Variants in RALGDS observed in about 807,000 individuals in gnomAD.
RALGDS encodes the protein ral guanine nucleotide dissociation stimulator, also known as ral guanine nucleotide exchange factor.
RALGDS carries 44 observed loss-of-function variants against 99.8 expected under a neutral mutation model. That is an observed-to-expected ratio of 0.44 (90% CI 0.35 to 0.57). The LOEUF (loss-of-function observed/expected upper bound fraction) is 0.57. Among genes scored for constraint, RALGDS ranks in the 20% least tolerant of loss-of-function variants. The probability of loss-of-function intolerance (pLI) is 0.01; values close to 1 mark genes in which losing one functional copy is unlikely to be tolerated. For missense variants in RALGDS, 1,022 were observed against 1,203.1 expected (o/e 0.85, Z 2.23); for synonymous variants, 529 against 505.0 (o/e 1.05, Z -0.64).
At position 133,137,676 on chromosome 9, in the gene RALGDS, T is replaced by C. The variant is rs540290309; in HGVS notation, c.18+11287A>G. ...TCTGGGAAGCAAGAGCCCTTTTTCT[T>C]AGAAGCAGGGCCCTGGAGTTTCCCA... On this transcript the variant is annotated intron_variant, in intron 1 of 17. Transcript: ENST00000393160. 2.6e-5 allele frequency among the ~76,000 whole-genome samples: 4 copies of C among 152,294 alleles called. No individual in the cohort carries two copies. The East Asian group carries it at 7.7e-4, about 29-fold the overall frequency.
chr9:133,104,540 G>A (rs1042357993), intron 9 of RALGDS: 60 of 587,942 alleles, frequency 1.0e-4, no homozygotes, highest in African/African-American at 5.6e-4. Context: ...TGCATGGTGC[G>A]GTGGCTCACG....
chr9:133,131,362 G>A (rs1315964859), upstream of RALGDS, among the ~76,000 whole-genome samples: 1 of 151,886 alleles, frequency 6.6e-6, no homozygotes, highest in South Asian at 2.1e-4. Context: ...CTACCTCCCT[G>A]TACTCACCCT....
intron 1 of RALGDS, among the ~76,000 whole-genome samples, chr9:133,136,494 G>A (rs1001130475): frequency 6.6e-6 from 1 of 152,184 alleles, no homozygotes; most frequent in African/African-American, 2.4e-5. Context: ...AAAAAAACTA[G>A]CTCGGGTGCG....
At chr9:133,110,566 C>G in intron 2 of RALGDS, 77 bp from the exon 3 acceptor site, 3 of 1,308,304 alleles carry the variant, frequency 2.3e-6, no homozygotes, top group Non-Finnish European at 3.3e-6. Context: ...AACCCCGAGC[C>G]CTCAGCAGCT....
intron 1 of RALGDS, among the ~76,000 whole-genome samples, chr9:133,116,345 T>C (rs542161875): frequency 4.5e-4 from 68 of 152,314 alleles, no homozygotes; most frequent in Non-Finnish European, 7.4e-4. Context: ...ACCAGGATGC[T>C]CCCTGGCCTC....
At chr9:133,101,051 G>A (rs1041380835) in intron 16 of RALGDS, 3 of 1,075,790 alleles carry the variant, frequency 2.8e-6, no homozygotes, top group Non-Finnish European at 3.4e-6. Context: ...ATTCCCATCT[G>A]CTGTCTCCAA....
chr9:133,130,970 G>T, exon 1 of RALGDS: 1 of 1,535,476 alleles, frequency 6.5e-7, no homozygotes, highest in Non-Finnish European at 8.7e-7. Flanking sequence ...GAACCTGGCC[G>T]GGTGGATGCC....
At chr9:133,132,045 C>T (rs2119253333), upstream of RALGDS, among the ~76,000 whole-genome samples, 1 of 152,320 alleles carries the variant, frequency 6.6e-6, no homozygotes, top group South Asian at 2.1e-4. Context: ...TGCCCCTGTG[C>T]CAGGAGTGCC....
chr9:133,104,371 C>T (rs754552975), intron 9 of RALGDS, 40 bp from the exon 10 acceptor site: 1 of 1,552,026 alleles, frequency 6.4e-7, no homozygotes, highest in South Asian at 1.1e-5. Flanking sequence ...GCCCTATCCC[C>T]TCAGCCCTCA....
chr9:133,109,015 G>A (rs1032559518), intron 4 of RALGDS, 149 bp from the exon 5 acceptor site: 1 of 756,686 alleles, frequency 1.3e-6, no homozygotes, highest in Non-Finnish European at 2.2e-6. Flanking sequence ...GGAGGCCCCT[G>A]GTCAGTGGCG....
At chr9:133,149,174 C>G (rs2119285149) in exon 1 of RALGDS, 1 of 150,808 alleles carries the variant, frequency 6.6e-6, no homozygotes, top group Admixed American at 7.0e-5. Context: ...CTCCCATTGT[C>G]TGCGCCGCGC....
chr9:133,107,329 C>A, intron 6 of RALGDS, 29 bp from the exon 7 acceptor site: 1 of 1,575,740 alleles, frequency 6.3e-7, no homozygotes, highest in Non-Finnish European at 8.7e-7. Context: ...GTCACCTGGT[C>A]CTGCCCCAGC....
At chr9:133,146,692 C>CA (rs1241752206) in intron 1 of RALGDS, among the ~76,000 whole-genome samples, 1 of 152,190 alleles carries the variant, frequency 6.6e-6, no homozygotes, top group Non-Finnish European at 1.5e-5. Flanking sequence ...CCAAGATTTA[C>CA]AAAAAACTAT....
Position 133,104,749 on chromosome 9 carries a change from T to C in RALGDS, c.1603-418A>G, listed in dbSNP as rs376184098. ...ATCCCTTGAACCCAGGAGGTGGGGATTGCAGTGAGCCGAGATCACGCCATT... is the reference window on the plus strand; with the variant it reads ...ATCCCTTGAACCCAGGAGGTGGGGACTGCAGTGAGCCGAGATCACGCCATT... On this transcript the variant is annotated intron_variant, in intron 9 of 17. Coordinates refer to ENST00000372050, the MANE Select transcript of RALGDS (RefSeq NM_006266.4). 21 of 218,590 alleles carry C rather than the reference T, an allele frequency of 9.6e-5. 1 individual carries two copies. Among genetic ancestry groups the C allele is most frequent in the East Asian group, 8.8e-4 (7 of 7,948 alleles). 13.5% of individuals were successfully genotyped at this position (218,590 alleles called of 1,614,324 possible).
At chr9:133,103,372 A>C (rs1588512850) in intron 11 of RALGDS, 110 bp from the exon 12 acceptor site, 1 of 1,372,446 alleles carries the variant, frequency 7.3e-7, no homozygotes, top group Non-Finnish European at 1.0e-6. Flanking sequence ...GGGCACGCAC[A>C]CCCCTGGATT....
At chr9:133,132,594 TG>T (rs1832355644), upstream of RALGDS, among the ~76,000 whole-genome samples, 1 of 151,796 alleles carries the variant, frequency 6.6e-6, no homozygotes, top group Admixed American at 6.6e-5. Flanking sequence ...TTTGGTTGGG[TG>T]GGGGGCTTAA....
chr9:133,130,717 T>C (rs1249224240), intron 1 of RALGDS, among the ~76,000 whole-genome samples: 1 of 152,144 alleles, frequency 6.6e-6, no homozygotes, highest in Non-Finnish European at 1.5e-5. Flanking sequence ...AACCAGACAT[T>C]GGAAGCCATC....
intron 1 of RALGDS, among the ~76,000 whole-genome samples, chr9:133,145,710 C>T (rs980070242): frequency 4.6e-5 from 7 of 152,166 alleles, no homozygotes; most frequent in Non-Finnish European, 1.0e-4. Flanking sequence ...TGCCTCTTGC[C>T]AGTTCTGTGA....
Position 133,115,403 on chromosome 9 carries a change from C to A in RALGDS, c.184-3251G>T, listed in dbSNP as rs1481961605. Among the ~76,000 whole-genome samples, 3 of 152,342 alleles carry A rather than the reference C, an allele frequency of 2.0e-5. No individual in the cohort carries two copies. The East Asian group carries it at 5.8e-4, about 29-fold the overall frequency. The stretch of plus-strand genomic sequence containing the variant: ...GGCCTGTGTGTGGAAAGGCTCACGG[C>A]AGAGCCTCCGTGTGCGTGAGATTGT... On this transcript the variant is annotated intron_variant, in intron 1 of 17. Transcript: ENST00000372050.
Sources: allele counts gnomAD v4.1 joint callset (sites outside exome capture counted in the v4.1 genomes callset), GRCh38; gene constraint gnomAD v4.1.1; transcripts MANE v1.5; gene names NCBI Gene and HGNC (gene_info 2026-07-23, HGNC 2026-07-21).